CYB561A3: variants seen among roughly 807,000 people sequenced by gnomAD.
The protein encoded by CYB561A3 is cytochrome b561 family member A3.
In CYB561A3, 16 loss-of-function variants were observed where a neutral mutation model predicts 25.3. The ratio of observed to expected loss-of-function variants is 0.63; its 90% confidence interval spans 0.43 to 0.96. The LOEUF is 0.96. Ranked by LOEUF, CYB561A3 falls within the 40% of genes least tolerant of loss-of-function variation. The pLI is 0.00. For missense variants in CYB561A3, 219 were observed against 307.5 expected, an observed-to-expected ratio of 0.71 and a Z score of 2.15; for synonymous variants, 131 against 129.9, an observed-to-expected ratio of 1.01 and a Z score of -0.06.
In CYB561A3 at chr11:61,353,001, T is replaced by G; in HGVS notation, c.532A>C (p.Lys178Gln). The change falls in exon 5 of 7, where the codon AAG (lysine) becomes CAG (glutamine). Residue 178 changes from lysine (K) to glutamine (Q), a missense_variant. Coordinates refer to ENST00000294072, the MANE Select transcript of CYB561A3 (RefSeq NM_153611.6). ...IASVISGINE[K>Q]LFFSLKNTTR... ...TGCACTCACAAACTGAAGAAAAGCT[T>G]CTCATTAATGCCCGAAATGACGGAT... 1 of 1,613,998 alleles carries G rather than the reference T, an allele frequency of 6.2e-7. No individual in the cohort carries two copies. The highest frequency in any genetic ancestry group is 8.5e-7 in the Non-Finnish European group (1 of 1,179,986).
intron 5 of CYB561A3, 101 bp from the exon 6 acceptor site, chr11:61,351,248 C>T (rs966696991): frequency 7.1e-6 from 9 of 1,274,564 alleles, no homozygotes; most frequent in African/African-American, 4.6e-5. Flanking sequence ...AAAACCTTCC[C>T]GGGTCCATAT....
At chr11:61,361,348 A>G (rs534622788) in intron 1 of CYB561A3, 30 of 152,314 alleles carry the variant, frequency 2.0e-4, no homozygotes, top group African/African-American at 7.0e-4. Context: ...TATTCCTGCC[A>G]AGGAGGTAGG....
chr11:61,357,082 C>A, intron 2 of CYB561A3: 1 of 1,430,992 alleles, frequency 7.0e-7, no homozygotes, highest in Admixed American at 2.0e-5. Flanking sequence ...ACCCCATACC[C>A]CCCAGGAAAA....
chr11:61,355,419 C>T lies in CYB561A3; in HGVS notation c.184+1111G>A, dbSNP rs185948589. 2.6e-4 allele frequency among the ~76,000 whole-genome samples: 39 copies of T among 152,152 alleles called. No individual in the cohort carries two copies. The East Asian group carries it at 6.0e-3, about 24-fold the overall frequency. ...CCCAGGTTGGGCGCAGTGGCTCACA[C>T]CTGTAATCCCAGCACTTTGGGAGGC... On this transcript the variant is annotated intron_variant, in intron 3 of 6. Coordinates refer to ENST00000294072, the MANE Select transcript of CYB561A3 (RefSeq NM_153611.6).
chr11:61,351,732 A>T (rs913832065), intron 5 of CYB561A3: 1 of 152,212 alleles, frequency 6.6e-6, no homozygotes, highest in Non-Finnish European at 1.5e-5. Flanking sequence ...CCTGTGCAAC[A>T]TAGTGAGATC....
chr11:61,359,520 T>A (rs528901112), intron 1 of CYB561A3: 10 of 152,030 alleles, frequency 6.6e-5, no homozygotes, highest in African/African-American at 2.4e-4. Flanking sequence ...GTTTTTTTTT[T>A]CTTTGTAAGA....
At chr11:61,354,364 T>G in intron 3 of CYB561A3, 1 of 216,860 alleles carries the variant, frequency 4.6e-6, no homozygotes, top group Non-Finnish European at 9.3e-6. Context: ...AATAAACAGA[T>G]TCCAATTAAA....
chr11:61,361,182 CTG>C (rs1157778936), intron 1 of CYB561A3: 3 of 152,172 alleles, frequency 2.0e-5, no homozygotes, highest in African/African-American at 7.2e-5. Context: ...ATCAAAAACA[CTG>C]TGACACTGGG....
chr11:61,350,522 C>T (rs1307602603), intron 6 of CYB561A3, 100 bp from the exon 7 acceptor site: 4 of 1,466,044 alleles, frequency 2.7e-6, no homozygotes, highest in Non-Finnish European at 3.7e-6. Flanking sequence ...GGGTGGTCCC[C>T]ATCCAAGCCA....
intron 2 of CYB561A3, chr11:61,357,138 G>A: frequency 6.5e-7 from 1 of 1,530,752 alleles, no homozygotes; most frequent in East Asian, 2.5e-5. Context: ...AAACACCCAG[G>A]CCTTGGGTTC....
intron 4 of CYB561A3, 55 bp downstream of exon 4, chr11:61,353,722 TGAACCCC>T: frequency 6.4e-7 from 1 of 1,553,066 alleles, no homozygotes; most frequent in South Asian, 1.1e-5. Context: ...CTCATGCAAG[TGAACCCC>T]CAACCAGAGC....
At chr11:61,359,089 T>G (rs1857747630) in intron 1 of CYB561A3, 1 of 151,956 alleles carries the variant, frequency 6.6e-6, no homozygotes, top group Non-Finnish European at 1.5e-5. Context: ...CTGGGTGTGG[T>G]GGCGCACGCC....
rs1352741021 is a variant in CYB561A3, at chr11:61,350,764, G to A, written c.705+227C>T. 2.1e-5 allele frequency: 13 copies of A among 629,022 alleles called. No homozygotes were observed. In the East Asian group the frequency reaches 3.8e-4, roughly 18 times the overall value. 39.0% of individuals were successfully genotyped at this position (629,022 alleles called of 1,614,324 possible). A position where few individuals can be genotyped will look rare whatever the true frequency, so the allele number is the denominator to read the frequency against. ...CACAGAACCACAGTGATTTGGGGGGGAAATTCTGTCTCCCAATGGACAGAC... is the reference window on the plus strand; with the variant it reads ...CACAGAACCACAGTGATTTGGGGGGAAAATTCTGTCTCCCAATGGACAGAC... On this transcript the variant is annotated intron_variant, in intron 6 of 6. Coordinates refer to ENST00000294072, the MANE Select transcript of CYB561A3 (RefSeq NM_153611.6).
intron 3 of CYB561A3, chr11:61,356,288 C>T (rs1857650442): frequency 1.9e-6 from 1 of 519,672 alleles, no homozygotes; most frequent in Non-Finnish European, 3.4e-6. Flanking sequence ...AAATATTTAT[C>T]TGACCCTCTA....
chr11:61,349,909 A>G lies in CYB561A3; in HGVS notation c.*490T>C, dbSNP rs1312027845. On this transcript the variant is annotated 3_prime_UTR_variant, in exon 7 of 7. Coordinates refer to ENST00000294072, the MANE Select transcript of CYB561A3 (RefSeq NM_153611.6). ...AGTGGACGGACACCTCACCTCCCTC[A>G]TGTTTCACACCGTGGACTGCACTTG... The G allele has an allele frequency of 3.9e-6, 2 of 508,006 alleles. No individual in the cohort carries two copies. Among genetic ancestry groups the G allele is most frequent in the East Asian group, 7.1e-5 (2 of 28,176 alleles). 31.5% of individuals were successfully genotyped at this position (508,006 alleles called of 1,614,324 possible). A position where few individuals can be genotyped will look rare whatever the true frequency, so the allele number is the denominator to read the frequency against.
At chr11:61,361,085 G>C (rs1565073753) in intron 1 of CYB561A3, 1 of 152,190 alleles carries the variant, frequency 6.6e-6, no homozygotes, top group Non-Finnish European at 1.5e-5. Flanking sequence ...AAATCAGTTT[G>C]TTGCTCTCCC....
At chr11:61,350,759 G>C (rs1857364907) in intron 6 of CYB561A3, 1 of 617,224 alleles carries the variant, frequency 1.6e-6, no homozygotes, top group African/African-American at 1.8e-5. Flanking sequence ...CAGTGATTTG[G>C]GGGGGAAATT....
intron 1 of CYB561A3, chr11:61,358,554 C>T (rs1258047013): frequency 1.3e-5 from 2 of 151,664 alleles, no homozygotes. Flanking sequence ...CCCCCGCCCC[C>T]ATCTCTACTA....
At chr11:61,356,929 C>T in intron 2 of CYB561A3, 1 of 1,445,278 alleles carries the variant, frequency 6.9e-7, no homozygotes, top group Non-Finnish European at 9.0e-7. Flanking sequence ...TGACTGAGGC[C>T]CCACCCCAGC....
Sources: gnomAD v4.1 joint callset for allele counts (sites outside exome capture counted in the v4.1 genomes callset) on GRCh38, gnomAD v4.1.1 for gene constraint, MANE v1.5 for transcripts, NCBI Gene and HGNC (gene_info 2026-07-23, HGNC 2026-07-21) for gene names.